THSD7A: variants seen among roughly 807,000 people sequenced by gnomAD.
THSD7A encodes thrombospondin type 1 domain containing 7A, also known as thrombospondin type-1 domain-containing protein 7A.
In THSD7A, 96 loss-of-function variants were observed where a neutral mutation model predicts 231.3. That is an observed-to-expected ratio of 0.41 (90% CI 0.35 to 0.49). THSD7A has a LOEUF of 0.49. Among genes scored for constraint, THSD7A ranks in the 20% least tolerant of loss-of-function variants. The pLI, the probability that THSD7A is intolerant of heterozygous loss-of-function variation, is 0.05. For missense variants in THSD7A, 2,290 were observed against 2,070.2 expected, an observed-to-expected ratio of 1.11 and a Z score of -2.06; for synonymous variants, 940 against 743.3, an observed-to-expected ratio of 1.26 and a Z score of -4.30.
intron 11 of THSD7A, among the ~76,000 whole-genome samples, chr7:11,449,583 A>C (rs1256344027): frequency 2.0e-5 from 3 of 152,076 alleles, no homozygotes; most frequent in African/African-American, 7.2e-5. Flanking sequence ...CTTGGAGTTC[A>C]AAGGAAGGGC....
At chr7:11,793,578 A>T (rs1784027656) in intron 1 of THSD7A, among the ~76,000 whole-genome samples, 1 of 151,868 alleles carries the variant, frequency 6.6e-6, no homozygotes, top group Admixed American at 6.6e-5. Flanking sequence ...TATTGTTTTA[A>T]AATGAAAAAA....
intron 1 of THSD7A, among the ~76,000 whole-genome samples, chr7:11,752,374 C>A (rs1394317804): frequency 2.0e-5 from 3 of 152,004 alleles, no homozygotes; most frequent in East Asian, 1.9e-4. Flanking sequence ...TTTTTCTTCT[C>A]ATTTTTCTAC....
chr7:11,822,011 C>T (rs1784888072), intron 1 of THSD7A, among the ~76,000 whole-genome samples: 2 of 152,236 alleles, frequency 1.3e-5, no homozygotes, highest in South Asian at 4.1e-4. Flanking sequence ...TATCATTGCT[C>T]CAAGTATTAC....
chr7:11,696,976 T>C (rs1780423744), intron 1 of THSD7A, among the ~76,000 whole-genome samples: 1 of 151,410 alleles, frequency 6.6e-6, no homozygotes. Flanking sequence ...AGGAATTCTG[T>C]GGAGAATATC....
At chr7:11,519,132 GAAGTAA>G (rs1788156440) in intron 6 of THSD7A, among the ~76,000 whole-genome samples, 1 of 151,604 alleles carries the variant, frequency 6.6e-6, no homozygotes. Context: ...TATCTTTATT[GAAGTAA>G]AAGTTATAGA....
chr7:11,798,674 T>C (rs908734218), intron 1 of THSD7A, among the ~76,000 whole-genome samples: 1 of 152,142 alleles, frequency 6.6e-6, no homozygotes, highest in Admixed American at 6.5e-5. Context: ...AATGTGAACA[T>C]ACTTTTATGC....
At chr7:11,680,655 C>T (rs909117248) in intron 1 of THSD7A, among the ~76,000 whole-genome samples, 1 of 152,096 alleles carries the variant, frequency 6.6e-6, no homozygotes, top group Non-Finnish European at 1.5e-5. Context: ...AATGAGATAC[C>T]ATCTCACAGC....
At chr7:11,536,088 G>C (rs1000466262) in intron 6 of THSD7A, among the ~76,000 whole-genome samples, 2 of 152,146 alleles carry the variant, frequency 1.3e-5, no homozygotes, top group Non-Finnish European at 2.9e-5. Flanking sequence ...CTTAATGTCT[G>C]CTACTTGGGA....
rs571959577 is a variant in THSD7A, at chr7:11,825,067, T to C, written c.190+6690A>G. ...AATAATTTTTCTATATATTTTTTTTTGTCTTTCATGCTGTCCTTTAGTTGG... is the reference window on the plus strand; with the variant it reads ...AATAATTTTTCTATATATTTTTTTTCGTCTTTCATGCTGTCCTTTAGTTGG... On this transcript the variant is annotated intron_variant, in intron 1 of 27. Transcript: ENST00000423059. 3.9e-4 allele frequency among the ~76,000 whole-genome samples: 60 copies of C among 152,242 alleles called. No individual in the cohort carries two copies. The East Asian group carries it at 4.0e-3, about 10-fold the overall frequency.
intron 2 of THSD7A, among the ~76,000 whole-genome samples, chr7:11,635,549 T>C (rs1781803926): frequency 2.0e-5 from 3 of 152,234 alleles, no homozygotes; most frequent in Admixed American, 2.0e-4. Context: ...GTTTCCTGAA[T>C]GAGGCTACTC....
In THSD7A at chr7:11,636,075, T is replaced by C; in HGVS notation, c.1022+55A>G. 6.8e-7 allele frequency: 1 copy of C among 1,471,814 alleles called. No individual in the cohort carries two copies. Among genetic ancestry groups the C allele is most frequent in the South Asian group, 1.3e-5 (1 of 77,058 alleles). 91.2% of individuals were successfully genotyped at this position (1,471,814 alleles called of 1,614,324 possible). A position where few individuals can be genotyped will look rare whatever the true frequency, so the allele number is the denominator to read the frequency against. On this transcript the variant is annotated intron_variant, in intron 2 of 27. Coordinates refer to ENST00000423059, the MANE Select transcript of THSD7A (RefSeq NM_015204.3). This position sits in a 1 kb window ranked among gnomAD's most constrained non-coding sequence, Gnocchi z 10.0. Reference sequence around the variant, plus strand: ...ATTAGATAGTACCGGATATCTTAGGTACTCATGATTCTTGACAGACAAGCC... The same window carrying C: ...ATTAGATAGTACCGGATATCTTAGGCACTCATGATTCTTGACAGACAAGCC...
chr7:11,831,777 G>A lies in THSD7A; in HGVS notation c.170C>T (p.Thr57Ile), dbSNP rs756066762. 2 of 1,480,952 alleles carry A rather than the reference G, an allele frequency of 1.4e-6. No individual in the cohort carries two copies. Among genetic ancestry groups the A allele is most frequent in the East Asian group, 2.7e-5 (1 of 36,694 alleles). 91.7% of individuals were successfully genotyped at this position (1,480,952 alleles called of 1,614,324 possible). A position where few individuals can be genotyped will look rare whatever the true frequency, so the allele number is the denominator to read the frequency against. ...AAAQGEAEAPTLYLWKTGPWG... is the reference protein window; with the variant it reads ...AAAQGEAEAPILYLWKTGPWG... ...CTTACCAGTCTTCCACAGATAGAGG[G>A]TGGGCGCCTCCGCCTCGCCCTGCGC... The change falls in exon 1 of 28, where the codon ACC becomes ATC. Residue 57 changes from threonine to isoleucine, a missense_variant. Transcript: ENST00000423059. This position sits in a 1 kb window ranked among gnomAD's most constrained non-coding sequence, Gnocchi z 5.0.
chr7:11,669,157 G>A (rs1489117565), intron 1 of THSD7A, among the ~76,000 whole-genome samples: 1 of 152,030 alleles, frequency 6.6e-6, no homozygotes, highest in Non-Finnish European at 1.5e-5. Flanking sequence ...ATAAAAATAT[G>A]AATTCATTCA....
chr7:11,661,751 TAAA>T, intron 1 of THSD7A, among the ~76,000 whole-genome samples: 1 of 151,082 alleles, frequency 6.6e-6, no homozygotes, highest in Middle Eastern at 3.4e-3. Context: ...CAGAAAGAAA[TAAA>T]AACTGAACAG....
rs151279024 is a variant in THSD7A at position 11,763,101 on chromosome 7, G to A, written c.190+68656C>T. 7.8e-3 allele frequency among the ~76,000 whole-genome samples: 1,193 copies of A among 152,174 alleles called. 11 individuals carry two copies. The highest frequency in any genetic ancestry group is 0.027 in the African/African-American group (1,105 of 41,516). On this transcript the variant is annotated intron_variant, in intron 1 of 27. Coordinates refer to ENST00000423059, the MANE Select transcript of THSD7A (RefSeq NM_015204.3). ...TATCACTGACCAGAAAAAGACAAAA[G>A]CTAACAACCCCCCACACTTTGCCAT... is the stretch of plus-strand genomic sequence containing the variant.
chr7:11,462,045 C>A lies in THSD7A; in HGVS notation c.2467G>T (p.Ala823Ser), dbSNP rs752069367. 4.0e-5 allele frequency: 64 copies of A among 1,613,668 alleles called. No homozygotes were observed. Among genetic ancestry groups the A allele is most frequent in the Non-Finnish European group, 5.0e-5 (59 of 1,179,742 alleles). Residue 823 changes from alanine to serine, a missense_variant, in exon 10 of 28, where the codon GCC becomes TCC. Transcript: ENST00000423059. ...DCTDPLYEEK[A>S]CEAPQACQSY... ...TGGCACGCTTGAGGTGCCTCACAGG[C>A]CTTCTCTTCATAGAGGGGATCTGTG...
intron 11 of THSD7A, among the ~76,000 whole-genome samples, chr7:11,447,663 T>TA (rs1785016426): frequency 6.6e-6 from 1 of 152,122 alleles, no homozygotes; most frequent in Non-Finnish European, 1.5e-5. Flanking sequence ...CACATATGCA[T>TA]ACTTAGCATT....
At chr7:11,802,792 T>G (rs1784311293) in intron 1 of THSD7A, among the ~76,000 whole-genome samples, 1 of 152,182 alleles carries the variant, frequency 6.6e-6, no homozygotes, top group African/African-American at 2.4e-5. Flanking sequence ...ATATTCAGTC[T>G]TCCATCCTTC....
intron 4 of THSD7A, among the ~76,000 whole-genome samples, chr7:11,588,662 T>C (rs1780019480): frequency 6.6e-6 from 1 of 152,150 alleles, no homozygotes. Flanking sequence ...CCAGTTGCAA[T>C]TCAGAATTCT....
Sources: allele counts gnomAD v4.1 joint callset (sites outside exome capture counted in the v4.1 genomes callset), GRCh38; gene constraint gnomAD v4.1.1; non-coding constraint Gnocchi (gnomAD v3.1); transcripts MANE v1.5; gene names NCBI Gene and HGNC (gene_info 2026-07-23, HGNC 2026-07-21).